CDC45: variants seen among roughly 807,000 people sequenced by gnomAD.
The protein encoded by CDC45 is cell division control protein 45 homolog.
Under a neutral mutation model 77.8 loss-of-function variants are expected in CDC45, and 54 were observed. The observed-to-expected ratio is 0.69, with a 90% confidence interval of 0.56 to 0.87. CDC45 has a LOEUF of 0.87. CDC45 is among the 40% of genes least tolerant of loss of function. CDC45 has a pLI of 0.00. For missense variants in CDC45, 649 were observed against 721.6 expected (o/e 0.90, Z 1.15); for synonymous variants, 260 against 272.1 (o/e 0.96, Z 0.44).
In CDC45 at chr22:19,508,511, G is replaced by T. The variant is rs752745197; in HGVS notation, c.1056-19G>T. 3 of 1,614,032 alleles carry T rather than the reference G, an allele frequency of 1.9e-6. No homozygotes were observed. The African/African-American group carries it at 4.0e-5, about 22-fold the overall frequency. On this transcript the variant is annotated intron_variant, in intron 12 of 18. Transcript: ENST00000263201. ...TGCCCACAATTTGAGGGTGACAGCT[G>T]TGTTTGCTCCCATGACAGGATGAAG...
chr22:19,499,179 G>A (rs1258203158), intron 9 of CDC45, 28 bp downstream of exon 9: 3 of 1,613,044 alleles, frequency 1.9e-6, no homozygotes, highest in Non-Finnish European at 2.5e-6. Context: ...TGCCTTGCAG[G>A]GTCAGCCCTG....
rs923448835 is a variant in CDC45, at chr22:19,494,615, C to T, written c.542+233C>T. 6.8e-5 allele frequency: 101 copies of T among 1,476,888 alleles called. No homozygotes were observed. In the African/African-American group the frequency reaches 1.2e-3, roughly 17 times the overall value. 91.5% of individuals were successfully genotyped at this position (1,476,888 alleles called of 1,614,324 possible). ...CAAGGTCTCCCAGGTACATGCCATC[C>T]ATTAGAGACCATGGCCCTGGCTCTT... On this transcript the variant is annotated intron_variant, in intron 6 of 18. Coordinates refer to ENST00000263201, the MANE Select transcript of CDC45 (RefSeq NM_003504.5).
At chr22:19,514,617 A>G in intron 13 of CDC45, 132 bp from the exon 14 acceptor site, 1 of 695,430 alleles carries the variant, frequency 1.4e-6, no homozygotes, top group Admixed American at 3.0e-5. Context: ...ACAACTCAGG[A>G]GGGAAAGAAG....
chr22:19,497,452 G>A lies in CDC45; in HGVS notation c.653+5G>A, dbSNP rs938305354. On this transcript the variant is annotated splice_donor_5th_base_variant and intron_variant, in intron 8 of 18. Coordinates refer to ENST00000263201, the MANE Select transcript of CDC45 (RefSeq NM_003504.5). ...GGACCTGAATGACATGCTGTGGTAC[G>A]TAGCCCCTGCGGCAGCTGTGTGGGA... is the stretch of plus-strand genomic sequence containing the variant. 3 of 1,613,036 alleles carry A rather than the reference G, an allele frequency of 1.9e-6. No individual in the cohort carries two copies. The highest frequency in any genetic ancestry group is 2.5e-6 in the Non-Finnish European group (3 of 1,179,044).
upstream of CDC45, chr22:19,479,687 G>A (rs958995323): frequency 7.2e-6 from 5 of 692,910 alleles, no homozygotes; most frequent in East Asian, 1.1e-4. Context: ...CGCTTTTCTG[G>A]GTAAAAGCGA....
At chr22:19,502,731 A>G (rs1932944367) in intron 9 of CDC45, among the ~76,000 whole-genome samples, 1 of 152,248 alleles carries the variant, frequency 6.6e-6, no homozygotes, top group Non-Finnish European at 1.5e-5. Flanking sequence ...TTAAAAACTT[A>G]CCCTTTCTTT....
chr22:19,479,565 C>A, upstream of CDC45: 1 of 576,028 alleles, frequency 1.7e-6, no homozygotes, highest in Non-Finnish European at 3.4e-6. Context: ...AAATGCTGCC[C>A]CATTGGGTAT....
intron 17 of CDC45, 29 bp from the exon 18 acceptor site, chr22:19,518,815 T>A (rs765624313): frequency 6.2e-7 from 1 of 1,603,090 alleles, no homozygotes; most frequent in Non-Finnish European, 8.5e-7. Context: ...TCCTCCCTTC[T>A]CACGGCTGTT....
intron 3 of CDC45, among the ~76,000 whole-genome samples, chr22:19,482,476 G>A (rs1319637499): frequency 6.6e-6 from 1 of 152,168 alleles, no homozygotes; most frequent in Admixed American, 6.5e-5. Context: ...CGTGCTCCTG[G>A]GGAAAACTGG....
At chr22:19,513,422 C>T (rs762749661) in intron 13 of CDC45, among the ~76,000 whole-genome samples, 44 of 152,190 alleles carry the variant, frequency 2.9e-4, no homozygotes, top group Non-Finnish European at 5.4e-4. Flanking sequence ...CTATCTGGCA[C>T]GGCTCTTTGT....
intron 5 of CDC45, among the ~76,000 whole-genome samples, chr22:19,485,299 A>C (rs1003153931): frequency 3.9e-5 from 6 of 152,228 alleles, no homozygotes; most frequent in Admixed American, 3.9e-4. Context: ...GCCAGGTACC[A>C]GTTAGGCCCT....
chr22:19,492,271 G>T (rs903573543), intron 5 of CDC45, among the ~76,000 whole-genome samples: 3 of 151,750 alleles, frequency 2.0e-5, no homozygotes, highest in Admixed American at 6.6e-5. Flanking sequence ...ATTTTTTCTC[G>T]GTTGTTCAGA....
chr22:19,482,354 G>T (rs995958025), intron 3 of CDC45, among the ~76,000 whole-genome samples: 1 of 152,236 alleles, frequency 6.6e-6, no homozygotes, highest in African/African-American at 2.4e-5. Flanking sequence ...GGAGAGGCAC[G>T]CAGCATAGTA....
chr22:19,488,758 T>G (rs975954309), intron 5 of CDC45, among the ~76,000 whole-genome samples: 1 of 152,196 alleles, frequency 6.6e-6, no homozygotes, highest in Non-Finnish European at 1.5e-5. Context: ...AACAATTCCA[T>G]TACCCGCAAA....
intron 12 of CDC45, 27 bp downstream of exon 12, chr22:19,507,891 C>G (rs371767223): frequency 1.4e-6 from 2 of 1,422,762 alleles, no homozygotes; most frequent in Non-Finnish European, 2.0e-6. Context: ...CTGGATTTAT[C>G]TTCATTACAT....
rs1436798741 is a variant in CDC45 at position 19,514,773 on chromosome 22, T to C, written c.1242T>C (p.His414=). Residue 414 remains histidine (H), a synonymous_variant, in exon 14 of 19, where the codon CAT becomes CAC. Transcript: ENST00000263201. ...GGAGTAACCTGGACAAGCTGTACCATGGCCTGGAACTCGCCAAGAAGCAGC... is the reference window on the plus strand; with the variant it reads ...GGAGTAACCTGGACAAGCTGTACCACGGCCTGGAACTCGCCAAGAAGCAGC... ...LSRSNLDKLY[H]GLELAKKQLR... 1.2e-6 allele frequency: 2 copies of C among 1,613,242 alleles called. No homozygotes were observed. The highest frequency in any genetic ancestry group is 2.2e-5 in the East Asian group (1 of 44,876).
chr22:19,505,504 G>A (rs1397990885), intron 10 of CDC45, 23 bp downstream of exon 10: 1 of 1,613,280 alleles, frequency 6.2e-7, no homozygotes, highest in Admixed American at 1.7e-5. Context: ...CCCAGCCTGA[G>A]GGGCACAGGC....
chr22:19,502,416 AG>A (rs1223172377), intron 9 of CDC45, among the ~76,000 whole-genome samples: 1 of 152,246 alleles, frequency 6.6e-6, no homozygotes, highest in Non-Finnish European at 1.5e-5. Context: ...TTTGTTTATG[AG>A]CACTCATTTA....
At chr22:19,491,698 A>G (rs987237229) in intron 5 of CDC45, among the ~76,000 whole-genome samples, 1 of 151,706 alleles carries the variant, frequency 6.6e-6, no homozygotes, top group African/African-American at 2.4e-5. Context: ...ATTTGTGTCT[A>G]TCCTATTTGT....
Sources: allele counts gnomAD v4.1 joint callset (sites outside exome capture counted in the v4.1 genomes callset), GRCh38; gene constraint gnomAD v4.1.1; transcripts MANE v1.5; gene names NCBI Gene and HGNC (gene_info 2026-07-23, HGNC 2026-07-21).